The following ELK3 variants were observed in gnomAD, a reference collection of about 807,000 sequenced individuals.
ELK3 encodes ETS domain-containing protein Elk-3.
A neutral mutation model predicts 28.9 loss-of-function variants in ELK3; 10 were observed. The ratio of observed to expected loss-of-function variants is 0.35; its 90% confidence interval spans 0.21 to 0.59. The LOEUF is 0.59. ELK3 is among the 20% of genes least tolerant of loss of function. The probability of loss-of-function intolerance (pLI) is 0.82; values close to 1 mark genes in which losing one functional copy is unlikely to be tolerated. For missense variants in ELK3, 463 were observed against 517.3 expected, an observed-to-expected ratio of 0.90 and a Z score of 1.02; for synonymous variants, 272 against 243.5, an observed-to-expected ratio of 1.12 and a Z score of -1.09.
intron 1 of ELK3, among the ~76,000 whole-genome samples, chr12:96,220,658 C>G (rs916017183): frequency 4.6e-5 from 7 of 152,246 alleles, no homozygotes; most frequent in Middle Eastern, 6.8e-3. Context: ...TCCCAAAGTG[C>G]TGGGATTACA....
Position 96,267,232 on chromosome 12 carries a change from C to G in ELK3, c.*52C>G. Reference sequence around the variant, plus strand: ...ATTAACTGATGAAACAAATTTGTCCCCACGGGCTAGTTTACCTGTGTCGTG... The same window carrying G: ...ATTAACTGATGAAACAAATTTGTCCGCACGGGCTAGTTTACCTGTGTCGTG... On this transcript the variant is annotated 3_prime_UTR_variant, in exon 5 of 5. Transcript: ENST00000228741. The G allele has an allele frequency of 6.6e-7, 1 of 1,520,538 alleles. No individual in the cohort carries two copies. The highest frequency in any genetic ancestry group is 9.0e-7 in the Non-Finnish European group (1 of 1,113,420). The allele number at this position is 1,520,538 out of a possible 1,614,324, so 94.2% of individuals were successfully genotyped here. A position where few individuals can be genotyped will look rare whatever the true frequency, so the allele number is the denominator to read the frequency against.
At chr12:96,250,320 C>T (rs1455094981) in intron 3 of ELK3, among the ~76,000 whole-genome samples, 1 of 152,258 alleles carries the variant, frequency 6.6e-6, no homozygotes, top group East Asian at 1.9e-4. Context: ...CAGAGGGGCC[C>T]GGGTGGTAGT....
intron 1 of ELK3, among the ~76,000 whole-genome samples, chr12:96,216,081 T>C (rs1264892892): frequency 1.3e-5 from 2 of 152,216 alleles, no homozygotes; most frequent in African/African-American, 2.4e-5. Flanking sequence ...CTACTCTGTG[T>C]CTTTTGCCCT....
At chr12:96,234,979 T>A (rs932520274) in intron 2 of ELK3, among the ~76,000 whole-genome samples, 1 of 152,078 alleles carries the variant, frequency 6.6e-6, no homozygotes, top group Non-Finnish European at 1.5e-5. Context: ...TTAATTGAAA[T>A]GACAGTGGAA....
chr12:96,207,173 C>T (rs1409442443), intron 1 of ELK3, among the ~76,000 whole-genome samples: 1 of 152,188 alleles, frequency 6.6e-6, no homozygotes, highest in East Asian at 1.9e-4. Context: ...GAGGGCTGTG[C>T]TTGTACTTTT....
chr12:96,215,668 C>T (rs1951610322), intron 1 of ELK3, among the ~76,000 whole-genome samples: 1 of 145,468 alleles, frequency 6.9e-6, no homozygotes, highest in Non-Finnish European at 1.5e-5. Flanking sequence ...GATGGTCTCG[C>T]TCTGTCACCC....
intron 4 of ELK3, among the ~76,000 whole-genome samples, chr12:96,263,372 T>C (rs1952007477): frequency 6.6e-6 from 1 of 152,242 alleles, no homozygotes; most frequent in Non-Finnish European, 1.5e-5. Context: ...CAGTTTATTA[T>C]TTTCTTCTTG....
Position 96,247,475 on chromosome 12 carries a change from C to G in ELK3, c.743C>G (p.Pro248Arg). 2 of 1,614,128 alleles carry G rather than the reference C, an allele frequency of 1.2e-6. No homozygotes were observed. Among genetic ancestry groups the G allele is most frequent in the Non-Finnish European group, 1.7e-6 (2 of 1,180,026 alleles). ...TCATCTCGGTCCCCGTCCCTGTCCC[C>G]CAACTCACCCCTCCCTTCTGAACAC... ...PFSSRSPSLS[P>R]NSPLPSEHRS... The change falls in exon 3 of 5, where the codon CCC becomes CGC. Residue 248 changes from proline (P) to arginine (R), a missense_variant. Physicochemically the swap from Pro to Arg is moderately radical, Grantham distance 103. Around this residue, in one of 2 missense-constraint regions of ELK3, gnomAD observed 408 missense variants for 414.8 expected, o/e 0.98. Coordinates refer to ENST00000228741, the MANE Select transcript of ELK3 (RefSeq NM_005230.4). This position sits in a 1 kb window ranked among gnomAD's most constrained non-coding sequence, Gnocchi z 5.5.
intron 1 of ELK3, among the ~76,000 whole-genome samples, chr12:96,206,668 G>A (rs1035873192): frequency 2.0e-5 from 3 of 152,126 alleles, no homozygotes; most frequent in East Asian, 1.9e-4. Flanking sequence ...ATATATTCAC[G>A]CTGAACAATT....
chr12:96,220,670 G>C (rs1045717554), intron 1 of ELK3, among the ~76,000 whole-genome samples: 1 of 152,120 alleles, frequency 6.6e-6, no homozygotes, highest in African/African-American at 2.4e-5. Context: ...GGGATTACAG[G>C]CGTGAGCCAC....
chr12:96,240,642 GAA>G (rs1318313079), intron 2 of ELK3, among the ~76,000 whole-genome samples: 1 of 152,178 alleles, frequency 6.6e-6, no homozygotes, highest in East Asian at 1.9e-4. Flanking sequence ...TGTTTGTTAG[GAA>G]AAGTCTTCAG....
At chr12:96,211,352 G>C (rs969480166) in intron 1 of ELK3, among the ~76,000 whole-genome samples, 1 of 152,084 alleles carries the variant, frequency 6.6e-6, no homozygotes, top group Non-Finnish European at 1.5e-5. Flanking sequence ...GTTATTTTTA[G>C]AGTTTTATAA....
chr12:96,222,744 A>G (rs377413840), intron 1 of ELK3: 1 of 152,246 alleles, frequency 6.6e-6, no homozygotes, highest in Non-Finnish European at 1.5e-5. Flanking sequence ...GAGACCGACT[A>G]TATTAGTTCT....
chr12:96,239,946 G>C (rs1362354863), intron 2 of ELK3, among the ~76,000 whole-genome samples: 2 of 152,244 alleles, frequency 1.3e-5, no homozygotes, highest in Non-Finnish European at 2.9e-5. Flanking sequence ...GCATCTAAGC[G>C]GAGCACTTGG....
intron 1 of ELK3, among the ~76,000 whole-genome samples, chr12:96,204,793 A>T (rs1308117236): frequency 6.6e-6 from 1 of 152,226 alleles, no homozygotes; most frequent in Non-Finnish European, 1.5e-5. Context: ...TGTTAGAATG[A>T]TTCCCTAACA....
intron 3 of ELK3, among the ~76,000 whole-genome samples, chr12:96,249,948 G>A (rs1054020566): frequency 2.0e-5 from 3 of 152,210 alleles, no homozygotes; most frequent in Admixed American, 2.0e-4. Flanking sequence ...CTTAGGCAGT[G>A]AGGGTGCCTG....
intron 3 of ELK3, among the ~76,000 whole-genome samples, chr12:96,250,873 A>C (rs1178217849): frequency 6.6e-6 from 1 of 152,140 alleles, no homozygotes; most frequent in Non-Finnish European, 1.5e-5. Flanking sequence ...CAAATTCCGA[A>C]GGTTGGTTAT....
chr12:96,227,252 C>G (rs1283338309), intron 2 of ELK3, among the ~76,000 whole-genome samples: 2 of 152,042 alleles, frequency 1.3e-5, no homozygotes, highest in Non-Finnish European at 2.9e-5. Flanking sequence ...TCTCGGTGTC[C>G]TCCTCCTCTT....
chr12:96,244,812 C>T (rs1360675970), intron 2 of ELK3, among the ~76,000 whole-genome samples: 2 of 152,124 alleles, frequency 1.3e-5, no homozygotes, highest in Non-Finnish European at 2.9e-5. Flanking sequence ...TTATTTCCTG[C>T]TGGGAGCTGA....
Sources: gnomAD v4.1 joint callset for allele counts (sites outside exome capture counted in the v4.1 genomes callset) on GRCh38, gnomAD v4.1.1 for gene constraint, gnomAD v4.1.1 regional missense constraint, Gnocchi (gnomAD v3.1) non-coding constraint, MANE v1.5 for transcripts, NCBI Gene and HGNC (gene_info 2026-07-23, HGNC 2026-07-21) for gene names.